GTF2IRD1: variants seen among roughly 807,000 people sequenced by gnomAD.
The protein encoded by GTF2IRD1 is GTF2I repeat domain containing 1.
In GTF2IRD1, 26 loss-of-function variants were observed where a neutral mutation model predicts 113.2. That is an observed-to-expected ratio of 0.23 (90% CI 0.17 to 0.32). The LOEUF is 0.32. GTF2IRD1 is among the 10% of genes least tolerant of loss of function. GTF2IRD1 has a pLI of 1.00. For missense variants in GTF2IRD1, 864 were observed against 1,280.8 expected, an observed-to-expected ratio of 0.67 and a Z score of 4.97; for synonymous variants, 484 against 529.1, an observed-to-expected ratio of 0.91 and a Z score of 1.17.
intron 1 of GTF2IRD1, among the ~76,000 whole-genome samples, chr7:74,481,479 G>A (rs1228180315): frequency 1.3e-5 from 2 of 152,160 alleles, no homozygotes; most frequent in Admixed American, 1.3e-4. Context: ...TTTAAAGGAT[G>A]AGGTTTCTGT....
intron 1 of GTF2IRD1, among the ~76,000 whole-genome samples, chr7:74,464,031 CA>C (rs1267342008): frequency 4.6e-5 from 7 of 152,048 alleles, no homozygotes; most frequent in Admixed American, 4.6e-4. Flanking sequence ...GCCCTAGGAC[CA>C]CTTTTACCAG....
intron 22 of GTF2IRD1, among the ~76,000 whole-genome samples, chr7:74,587,906 C>T (rs1312796493): frequency 5.9e-5 from 9 of 152,058 alleles, no homozygotes; most frequent in African/African-American, 2.2e-4. Context: ...GAATGCACGG[C>T]CCCCACACTC....
chr7:74,583,517 A>G (rs1391487930), intron 22 of GTF2IRD1, among the ~76,000 whole-genome samples: 1 of 151,512 alleles, frequency 6.6e-6, no homozygotes, highest in Non-Finnish European at 1.5e-5. Context: ...TGACAAAGGC[A>G]TTTAGCCCCA....
At chr7:74,541,187 C>T (rs1798617034) in intron 14 of GTF2IRD1, among the ~76,000 whole-genome samples, 1 of 151,582 alleles carries the variant, frequency 6.6e-6, no homozygotes, top group Admixed American at 6.6e-5. Flanking sequence ...GAGAGATAAA[C>T]AGTAAGCAAA....
intron 1 of GTF2IRD1, among the ~76,000 whole-genome samples, chr7:74,462,822 G>A (rs949846508): frequency 6.6e-6 from 1 of 152,198 alleles, no homozygotes; most frequent in Non-Finnish European, 1.5e-5. Context: ...TGTGAGCCCC[G>A]CGATGAAATT....
At chr7:74,521,142 G>A in intron 6 of GTF2IRD1, 66 bp from the exon 7 acceptor site, 1 of 891,632 alleles carries the variant, frequency 1.1e-6, no homozygotes, top group Non-Finnish European at 1.9e-6. Flanking sequence ...CCTGTGCACT[G>A]GGGCCAGATC....
intron 1 of GTF2IRD1, among the ~76,000 whole-genome samples, chr7:74,503,453 T>C (rs1041201053): frequency 6.6e-6 from 1 of 152,160 alleles, no homozygotes. Context: ...TTTCTCATTA[T>C]TATTATTACT....
At chr7:74,565,152 G>T (rs1800220856) in intron 22 of GTF2IRD1, among the ~76,000 whole-genome samples, 1 of 152,180 alleles carries the variant, frequency 6.6e-6, no homozygotes, top group African/African-American at 2.4e-5. Flanking sequence ...CGACCCTGGG[G>T]GCTGAACGCC....
chr7:74,513,707 C>T (rs1554343720), intron 3 of GTF2IRD1, among the ~76,000 whole-genome samples: 1 of 152,124 alleles, frequency 6.6e-6, no homozygotes. Context: ...ACTGTCATGG[C>T]TATAGTCAGG....
chr7:74,573,078 GGGGAAGGGAACTCCAA>G (rs1583923494), intron 22 of GTF2IRD1, among the ~76,000 whole-genome samples: 1 of 152,210 alleles, frequency 6.6e-6, no homozygotes, highest in East Asian at 1.9e-4. Context: ...TCCACACGTC[GGGGAAGGGAACTCCAA>G]GGTTTTTAGC....
chr7:74,501,454 C>T (rs1044235581), intron 1 of GTF2IRD1, among the ~76,000 whole-genome samples: 1 of 152,168 alleles, frequency 6.6e-6, no homozygotes, highest in African/African-American at 2.4e-5. Context: ...TCCGTCTCTT[C>T]CCTCCGGAGG....
chr7:74,586,255 C>T (rs1339470527), intron 22 of GTF2IRD1, among the ~76,000 whole-genome samples: 1 of 152,184 alleles, frequency 6.6e-6, no homozygotes, highest in Non-Finnish European at 1.5e-5. Context: ...AGGACTCCAT[C>T]ACTGTTGTCT....
chr7:74,574,837 C>G (rs1554363947), intron 22 of GTF2IRD1, among the ~76,000 whole-genome samples: 4 of 151,412 alleles, frequency 2.6e-5, no homozygotes, highest in Non-Finnish European at 5.9e-5. Flanking sequence ...GTCTGTAATC[C>G]CAGCACTTCG....
chr7:74,520,371 G>A (rs1217993834), intron 6 of GTF2IRD1, among the ~76,000 whole-genome samples: 1 of 152,060 alleles, frequency 6.6e-6, no homozygotes, highest in African/African-American at 2.4e-5. Context: ...TCTACTTAGT[G>A]GCTAGGCATC....
chr7:74,523,645 T>C (rs1317301349), intron 7 of GTF2IRD1, among the ~76,000 whole-genome samples: 4 of 151,024 alleles, frequency 2.6e-5, no homozygotes, highest in African/African-American at 9.7e-5. Context: ...CGCTTGAACC[T>C]GGGAGGCAGA....
At chr7:74,563,446 G>A (rs1191166586) in intron 22 of GTF2IRD1, among the ~76,000 whole-genome samples, 5 of 151,858 alleles carry the variant, frequency 3.3e-5, no homozygotes, top group South Asian at 2.1e-4. Flanking sequence ...GCATGGTGGC[G>A]GGTGCCTCTA....
intron 22 of GTF2IRD1, among the ~76,000 whole-genome samples, chr7:74,575,487 A>G (rs1309641887): frequency 6.6e-6 from 1 of 152,248 alleles, no homozygotes; most frequent in Non-Finnish European, 1.5e-5. Flanking sequence ...TTGTTTTAAC[A>G]GAATCCCTCT....
intron 3 of GTF2IRD1, chr7:74,515,195 A>G (rs897085064): frequency 1.1e-4 from 73 of 673,922 alleles, no homozygotes; most frequent in Non-Finnish European, 1.3e-4. Flanking sequence ...CCAAGGTCAC[A>G]CAGCAAATTA....
At chr7:74,459,090 G>A (rs1793186430) in intron 1 of GTF2IRD1, among the ~76,000 whole-genome samples, 1 of 152,160 alleles carries the variant, frequency 6.6e-6, no homozygotes, top group Non-Finnish European at 1.5e-5. Flanking sequence ...TCATGAGTAT[G>A]GAGGGTCGTG....
Sources: gnomAD v4.1 joint callset for allele counts (sites outside exome capture counted in the v4.1 genomes callset) on GRCh38, gnomAD v4.1.1 for gene constraint, MANE v1.5 for transcripts, NCBI Gene and HGNC (gene_info 2026-07-23, HGNC 2026-07-21) for gene names.